The following PTPRN2 variants were observed in gnomAD, a reference collection of about 807,000 sequenced individuals.
PTPRN2 encodes the protein protein tyrosine phosphatase receptor type N2, also known as receptor-type tyrosine-protein phosphatase N2.
PTPRN2 carries 74 observed loss-of-function variants against 118.8 expected under a neutral mutation model. The observed-to-expected ratio is 0.62, with a 90% CI of 0.52 to 0.76. The LOEUF is 0.76. Ranked by LOEUF, PTPRN2 falls within the 30% of genes least tolerant of loss-of-function variation. The pLI, the probability that PTPRN2 is intolerant of heterozygous loss-of-function variation, is 0.00. For missense variants in PTPRN2, 1,481 were observed against 1,394.4 expected (o/e 1.06, Z -0.99); for synonymous variants, 641 against 608.0 (o/e 1.05, Z -0.80).
intron 2 of PTPRN2, among the ~76,000 whole-genome samples, chr7:158,396,311 A>G (rs562108531): frequency 9.5e-4 from 145 of 152,362 alleles, no homozygotes; most frequent in African/African-American, 3.2e-3. Flanking sequence ...ATTAATGCAT[A>G]TATCTCTATT....
chr7:157,576,736 A>AC lies in PTPRN2; in HGVS notation c.2659dup (p.Val887GlyfsTer27). ...CAGGTTCTTCAGATAGAAGCTCCTC[A>AC]CCAGGAAGTCCTCACACCAGATGTG... On this transcript the variant is annotated frameshift_variant, in exon 19 of 23. Transcript: ENST00000389418. LOFTEE classifies it high-confidence loss of function. The AC allele has an allele frequency of 6.2e-7, 1 of 1,609,232 alleles. No individual in the cohort carries two copies.
rs1356694108 is a variant in PTPRN2 at position 158,512,911 on chromosome 7, C to T, written c.113-23126G>A. On this transcript the variant is annotated intron_variant, in intron 1 of 22. Coordinates refer to ENST00000389418, the MANE Select transcript of PTPRN2 (RefSeq NM_002847.5). ...AAAATGAAAAGTGTTATGTTATAGC[C>T]CAAAATATAACATAAAGTGTTGAAT... Among the ~76,000 whole-genome samples the T allele has an allele frequency of 3.9e-5, 6 of 152,146 alleles. No homozygotes were observed. The South Asian group carries it at 6.2e-4, about 16-fold the overall frequency.
chr7:157,901,111 C>A (rs1797410904), intron 11 of PTPRN2, among the ~76,000 whole-genome samples: 2 of 152,160 alleles, frequency 1.3e-5, no homozygotes, highest in African/African-American at 4.8e-5. Flanking sequence ...AGAGAGGAAG[C>A]AGGAGAGGGC....
In PTPRN2 at chr7:157,621,090, G is replaced by A. The variant is rs1330059667; in HGVS notation, c.2344+272C>T. Among the ~76,000 whole-genome samples, 107 of 108,832 alleles carry A rather than the reference G, an allele frequency of 9.8e-4. 2 individuals carry two copies. The highest frequency in any genetic ancestry group is 4.9e-3 in the Middle Eastern group (1 of 206). 71.4% of individuals were successfully genotyped at this position (108,832 alleles called of 152,430 possible). A position where few individuals can be genotyped will look rare whatever the true frequency, so the allele number is the denominator to read the frequency against. On this transcript the variant is annotated intron_variant, in intron 15 of 22. Transcript: ENST00000389418. ...GTCACCCTGGCCACCTGCCCCCGGG[G>A]CTGGTATGTACAGGTCAGCACGGCC... is the stretch of plus-strand genomic sequence containing the variant.
intron 12 of PTPRN2, among the ~76,000 whole-genome samples, chr7:157,844,803 T>A (rs1584849772): frequency 6.6e-6 from 1 of 152,334 alleles, no homozygotes; most frequent in Non-Finnish European, 1.5e-5. Flanking sequence ...GCTGCCTGCA[T>A]CTGACGAGAT....
rs1190771260 is a variant in PTPRN2, at chr7:157,676,123, C to T, written c.2001+6602G>A. Among the ~76,000 whole-genome samples the T allele has an allele frequency of 6.6e-6, 1 of 152,096 alleles. No individual in the cohort carries two copies. Among genetic ancestry groups the T allele is most frequent in the Non-Finnish European group, 1.5e-5 (1 of 68,026 alleles). The stretch of plus-strand genomic sequence containing the variant: ...AAGAGCTGACCTCTCTGGGCCGGCA[C>T]ACAACTTGCAGCCGAGTCCTTTCCA... On this transcript the variant is annotated intron_variant, in intron 13 of 22. Coordinates refer to ENST00000389418, the MANE Select transcript of PTPRN2 (RefSeq NM_002847.5). This position sits in a 1 kb window ranked among gnomAD's most constrained non-coding sequence, Gnocchi z 5.6.
At chr7:157,759,174 G>T (rs1476274013) in intron 12 of PTPRN2, among the ~76,000 whole-genome samples, 1 of 152,260 alleles carries the variant, frequency 6.6e-6, no homozygotes, top group African/African-American at 2.4e-5. Context: ...TCTCCTGGGA[G>T]CATCGGTGCC....
Position 157,814,188 on chromosome 7 carries a change from C to T in PTPRN2, c.1788+84485G>A, listed in dbSNP as rs956580655. On this transcript the variant is annotated intron_variant, in intron 12 of 22. Transcript: ENST00000389418. ...TGGGCTTGGCCTCCATCTTGACAGG[C>T]AGGCGAGGAAGCCCCTGCTGACGCC... Among the ~76,000 whole-genome samples the T allele has an allele frequency of 6.6e-5, 10 of 152,344 alleles. No homozygotes were observed. In the East Asian group the frequency reaches 1.9e-3, roughly 29 times the overall value.
intron 1 of PTPRN2, among the ~76,000 whole-genome samples, chr7:158,559,516 C>T (rs899577285): frequency 3.9e-5 from 6 of 152,180 alleles, no homozygotes; most frequent in Non-Finnish European, 7.4e-5. Context: ...ACGACTGTCC[C>T]ATCGCAGGGT....
intron 3 of PTPRN2, among the ~76,000 whole-genome samples, chr7:158,277,720 A>ACGGT (rs984925207): frequency 2.0e-5 from 3 of 152,180 alleles, no homozygotes; most frequent in Non-Finnish European, 4.4e-5. Flanking sequence ...GAAACTCTGT[A>ACGGT]CGGTCCTCCC....
rs190678603 is a variant in PTPRN2 at position 158,508,042 on chromosome 7, C to T, written c.113-18257G>A. Among the ~76,000 whole-genome samples the T allele has an allele frequency of 8.9e-4, 126 of 141,978 alleles. 1 individual carries two copies. Among genetic ancestry groups the T allele is most frequent in the African/African-American group, 3.2e-3 (115 of 36,420 alleles). The allele number at this position is 141,978 out of a possible 152,430, so 93.1% of individuals were successfully genotyped here. On this transcript the variant is annotated intron_variant, in intron 1 of 22. Transcript: ENST00000389418. ...TCAGTGAGGACCGTCCAGGGGACAG[C>T]GCTACAGTGTTACGAAGGTCAGTGA...
At chr7:157,936,897 C>T (rs6976784) in intron 11 of PTPRN2, among the ~76,000 whole-genome samples, 5,628 of 152,328 alleles carry the variant, frequency 0.037, 309 homozygotes, top group African/African-American at 0.12. Context: ...CCCTGTCTTT[C>T]CGCCATGGCC....
Position 158,560,406 on chromosome 7 carries a change from T to C in PTPRN2, c.112+27152A>G, listed in dbSNP as rs146837057. On this transcript the variant is annotated intron_variant, in intron 1 of 22. Coordinates refer to ENST00000389418, the MANE Select transcript of PTPRN2 (RefSeq NM_002847.5). ...TCATGTGCACGAACACTTAGAGTAATAGGCAAATGTTTTGGCCTCGCTAGG... is the reference window on the plus strand; with the variant it reads ...TCATGTGCACGAACACTTAGAGTAACAGGCAAATGTTTTGGCCTCGCTAGG... Among the ~76,000 whole-genome samples, 243 of 152,354 alleles carry C rather than the reference T, an allele frequency of 1.6e-3. 4 individuals are homozygous for C. The East Asian group carries it at 0.04, about 25-fold the overall frequency.
chr7:157,970,052 C>T (rs1802212289), intron 11 of PTPRN2, among the ~76,000 whole-genome samples: 1 of 151,830 alleles, frequency 6.6e-6, no homozygotes, highest in Non-Finnish European at 1.5e-5. Context: ...AATTGGTGGC[C>T]CTGGCAAGGA....
At chr7:157,578,482 C>T (rs934260839) in intron 17 of PTPRN2, among the ~76,000 whole-genome samples, 13 of 152,170 alleles carry the variant, frequency 8.5e-5, no homozygotes, top group African/African-American at 2.4e-4. Context: ...GAGGCGGTGC[C>T]GACACCCTCA....
intron 12 of PTPRN2, among the ~76,000 whole-genome samples, chr7:157,714,788 A>G (rs752039359): frequency 7.2e-4 from 103 of 142,122 alleles, no homozygotes; most frequent in Non-Finnish European, 1.3e-3. Context: ...TGCTTCTGAA[A>G]GGATTCTAGG....
chr7:158,160,213 T>A (rs933151454), intron 6 of PTPRN2, among the ~76,000 whole-genome samples: 2 of 152,128 alleles, frequency 1.3e-5, no homozygotes, highest in African/African-American at 4.8e-5. Flanking sequence ...AAGCTTCATT[T>A]TGGGTGTTTC....
intron 12 of PTPRN2, among the ~76,000 whole-genome samples, chr7:157,858,062 A>T (rs576253935): frequency 7.2e-6 from 1 of 138,768 alleles, no homozygotes; most frequent in Admixed American, 7.2e-5. Context: ...TACCACCCAC[A>T]CTCCTGCAGG....
intron 14 of PTPRN2, among the ~76,000 whole-genome samples, chr7:157,653,928 A>C (rs1285822047): frequency 4.5e-3 from 239 of 53,392 alleles, no homozygotes; most frequent in Non-Finnish European, 6.9e-3. Context: ...CCCCACACCC[A>C]CCCCAACTGC....
Sources: allele counts gnomAD v4.1 joint callset (sites outside exome capture counted in the v4.1 genomes callset), GRCh38; gene constraint gnomAD v4.1.1; non-coding constraint Gnocchi (gnomAD v3.1); transcripts MANE v1.5; gene names NCBI Gene and HGNC (gene_info 2026-07-23, HGNC 2026-07-21).